MFSD2A: variants seen among roughly 807,000 people sequenced by gnomAD.
MFSD2A encodes MFSD2 lysolipid transporter A, lysophospholipid.
MFSD2A carries 27 observed loss-of-function variants against 64.7 expected under a neutral mutation model. That is an observed-to-expected ratio of 0.42 (90% CI 0.31 to 0.58). MFSD2A has a LOEUF of 0.58. MFSD2A is among the 20% of genes least tolerant of loss of function. The pLI is 0.18. For synonymous variants in MFSD2A, 258 were observed against 273.4 expected (o/e 0.94, Z 0.55); for missense variants, 474 against 679.5 (o/e 0.70, Z 3.36).
In MFSD2A at chr1:39,965,959, C is replaced by A; in HGVS notation, c.659C>A (p.Thr220Lys). ...TGTTTCCAGGACCTCAATAGCTCTA[C>A]AGTAGCTTCACAAAGTGCCAACCAT... ...TPCFQDLNSS[T>K]VASQSANHTH... Residue 220 changes from threonine (T) to lysine (K), a missense_variant, in exon 6 of 14, where the codon ACA becomes AAA. By Grantham distance (78) the Thr-to-Lys change is moderately conservative (BLOSUM62 -1). Transcript: ENST00000372811. This position sits in a 1 kb window ranked among gnomAD's most constrained non-coding sequence, Gnocchi z 5.5. 3 of 1,614,196 alleles carry A rather than the reference C, an allele frequency of 1.9e-6. No homozygotes were observed. Among genetic ancestry groups the A allele is most frequent in the Non-Finnish European group, 2.5e-6 (3 of 1,180,032 alleles).
chr1:39,968,518 A>G lies in MFSD2A; in HGVS notation c.1352+41A>G. ...ACCTGGGGCAGGACTGGGCAGGGCC[A>G]GGCCCCAGGTGCCCCATCTTCACCG... On this transcript the variant is annotated intron_variant, in intron 12 of 13. Coordinates refer to ENST00000372811, the MANE Select transcript of MFSD2A (RefSeq NM_032793.5). The surrounding 1 kb of genome is among the most constrained non-coding windows in gnomAD (Gnocchi z 4.4). 1 of 1,613,858 alleles carries G rather than the reference A, an allele frequency of 6.2e-7. No individual in the cohort carries two copies. The highest frequency in any genetic ancestry group is 8.5e-7 in the Non-Finnish European group (1 of 1,179,776).
rs1425273114 is a variant in MFSD2A, at chr1:39,955,335, C to T, written c.43C>T (p.Leu15=). ...EGAESGSAAG[L]LPTSILQSTE... ...CGCCGAGAGCGGCTCCGCGGCGGGG[C>T]TGCTACCCACCAGCATCCTCCAAAG... The change falls in exon 1 of 14, where the codon CTG becomes TTG. Residue 15 remains leucine, a synonymous_variant. Coordinates refer to ENST00000372811, the MANE Select transcript of MFSD2A (RefSeq NM_032793.5). This position sits in a 1 kb window ranked among gnomAD's most constrained non-coding sequence, Gnocchi z 5.9. The T allele has an allele frequency of 6.9e-7, 1 of 1,447,896 alleles. No individual in the cohort carries two copies. The highest frequency in any genetic ancestry group is 9.1e-7 in the Non-Finnish European group (1 of 1,098,506). The allele number at this position is 1,447,896 out of a possible 1,614,324, so 89.7% of individuals were successfully genotyped here.
intron 6 of MFSD2A, 56 bp downstream of exon 6, chr1:39,966,070 G>A: frequency 6.3e-7 from 1 of 1,592,196 alleles, no homozygotes; most frequent in Non-Finnish European, 8.6e-7. Context: ...GAGGTGGTTT[G>A]TAGTCATCCT....
chr1:39,965,737 T>G lies in MFSD2A; in HGVS notation c.557-120T>G, dbSNP rs1428527030. ...TATGCGTTCAAACCAAGGTGTCACC[T>G]ACCCCACTACCTCTACCCACCCTGC... On this transcript the variant is annotated intron_variant, in intron 5 of 13. Coordinates refer to ENST00000372811, the MANE Select transcript of MFSD2A (RefSeq NM_032793.5). This position sits in a 1 kb window ranked among gnomAD's most constrained non-coding sequence, Gnocchi z 5.5. The G allele has an allele frequency of 1.5e-6, 2 of 1,343,840 alleles. No individual in the cohort carries two copies. The highest frequency in any genetic ancestry group is 2.1e-6 in the Non-Finnish European group (2 of 963,282). The allele number at this position is 1,343,840 out of a possible 1,614,324, so 83.2% of individuals were successfully genotyped here.
At chr1:39,969,291 G>A (rs1265508934) in intron 13 of MFSD2A, among the ~76,000 whole-genome samples, 7 of 152,124 alleles carry the variant, frequency 4.6e-5, no homozygotes, top group East Asian at 1.9e-4. Context: ...CAGCCCAGGC[G>A]AGAGTGTAGA....
chr1:39,958,794 C>G lies in MFSD2A; in HGVS notation c.322C>G (p.Pro108Ala), dbSNP rs1403639907. 5 of 1,613,456 alleles carry G rather than the reference C, an allele frequency of 3.1e-6. No homozygotes were observed. In the East Asian group the frequency reaches 1.1e-4, roughly 36 times the overall value. Reference protein sequence around the residue: ...PLVGLCISKSPWTCLGRLMPW... With the variant: ...PLVGLCISKSAWTCLGRLMPW... ...GGTGGGCCTCTGCATCAGCAAATCC[C>G]CCTGGACCTGCCTGGGTCGCCTTAT... The change falls in exon 3 of 14, where the codon CCC (proline) becomes GCC (alanine). Residue 108 changes from proline to alanine, a missense_variant. By Grantham distance (27) the Pro-to-Ala change is conservative. Transcript: ENST00000372811. This position sits in a 1 kb window ranked among gnomAD's most constrained non-coding sequence, Gnocchi z 4.7.
chr1:39,966,869 C>A lies in MFSD2A; in HGVS notation c.864C>A (p.Val288=). The A allele has an allele frequency of 1.2e-6, 2 of 1,613,936 alleles. No homozygotes were observed. Among genetic ancestry groups the A allele is most frequent in the South Asian group, 2.2e-5 (2 of 91,058 alleles). The part of the protein sequence containing the change: ...PIAYFRGLRL[V]MSHGPYIKLI... ...CCTACTTCCGGGGCCTACGGCTGGT[C>A]ATGAGCCACGGCCCATACATCAAAC... Residue 288 remains valine, a synonymous_variant, in exon 8 of 14, where the codon GTC becomes GTA. Coordinates refer to ENST00000372811, the MANE Select transcript of MFSD2A (RefSeq NM_032793.5).
chr1:39,965,744 C>T lies in MFSD2A; in HGVS notation c.557-113C>T. On this transcript the variant is annotated intron_variant, in intron 5 of 13. Transcript: ENST00000372811. The surrounding 1 kb of genome is among the most constrained non-coding windows in gnomAD (Gnocchi z 5.5). Reference sequence around the variant, plus strand: ...TCAAACCAAGGTGTCACCTACCCCACTACCTCTACCCACCCTGCCTGGAGC... The same window carrying T: ...TCAAACCAAGGTGTCACCTACCCCATTACCTCTACCCACCCTGCCTGGAGC... 7.1e-7 allele frequency: 1 copy of T among 1,411,404 alleles called. No homozygotes were observed. Among genetic ancestry groups the T allele is most frequent in the African/African-American group, 1.4e-5 (1 of 70,998 alleles). 87.4% of individuals were successfully genotyped at this position (1,411,404 alleles called of 1,614,324 possible).
At position 39,958,960 on chromosome 1, in the gene MFSD2A, A is replaced by G; in HGVS notation, c.353+135A>G. The G allele has an allele frequency of 9.3e-7, 1 of 1,075,530 alleles. No homozygotes were observed. The highest frequency in any genetic ancestry group is 1.3e-6 in the Non-Finnish European group (1 of 755,438). 66.6% of individuals were successfully genotyped at this position (1,075,530 alleles called of 1,614,324 possible). A position where few individuals can be genotyped will look rare whatever the true frequency, so the allele number is the denominator to read the frequency against. On this transcript the variant is annotated intron_variant, in intron 3 of 13. Coordinates refer to ENST00000372811, the MANE Select transcript of MFSD2A (RefSeq NM_032793.5). The surrounding 1 kb of genome is among the most constrained non-coding windows in gnomAD (Gnocchi z 4.7). ...GAGTTAAAAGCCCAAGGGTGTTGAA[A>G]CCCCATCCGAGGCATCAGCTACCCT...
At position 39,958,974 on chromosome 1, in the gene MFSD2A, A is replaced by G; in HGVS notation, c.353+149A>G. The G allele has an allele frequency of 2.1e-6, 2 of 935,224 alleles. No homozygotes were observed. The highest frequency in any genetic ancestry group is 3.2e-6 in the Non-Finnish European group (2 of 628,282). 57.9% of individuals were successfully genotyped at this position (935,224 alleles called of 1,614,324 possible). A position where few individuals can be genotyped will look rare whatever the true frequency, so the allele number is the denominator to read the frequency against. ...AGGGTGTTGAAACCCCATCCGAGGC[A>G]TCAGCTACCCTGAGCACGGGCACTG... On this transcript the variant is annotated intron_variant, in intron 3 of 13. Transcript: ENST00000372811. The surrounding 1 kb of genome is among the most constrained non-coding windows in gnomAD (Gnocchi z 4.7).
chr1:39,965,974 G>A lies in MFSD2A; in HGVS notation c.674G>A (p.Ser225Asn), dbSNP rs751357823. 6.2e-7 allele frequency: 1 copy of A among 1,614,180 alleles called. No homozygotes were observed. Among genetic ancestry groups the A allele is most frequent in the Non-Finnish European group, 8.5e-7 (1 of 1,180,038 alleles). Residue 225 changes from serine to asparagine, a missense_variant, in exon 6 of 14, where the codon AGT (serine) becomes AAT (asparagine). Physicochemically the swap from Ser to Asn is conservative, Grantham distance 46. Coordinates refer to ENST00000372811, the MANE Select transcript of MFSD2A (RefSeq NM_032793.5). The surrounding 1 kb of genome is among the most constrained non-coding windows in gnomAD (Gnocchi z 5.5). ...AATAGCTCTACAGTAGCTTCACAAA[G>A]TGCCAACCATACACATGGCACCACC... ...DLNSSTVASQ[S>N]ANHTHGTTSH...
Position 39,955,454 on chromosome 1 carries a change from C to G in MFSD2A, c.93+69C>G, listed in dbSNP as rs1325634858. The G allele has an allele frequency of 2.0e-6, 3 of 1,471,238 alleles. No homozygotes were observed. The highest frequency in any genetic ancestry group is 2.8e-6 in the Non-Finnish European group (3 of 1,087,562). 91.1% of individuals were successfully genotyped at this position (1,471,238 alleles called of 1,614,324 possible). A position where few individuals can be genotyped will look rare whatever the true frequency, so the allele number is the denominator to read the frequency against. On this transcript the variant is annotated intron_variant, in intron 1 of 13. Transcript: ENST00000372811. The surrounding 1 kb of genome is among the most constrained non-coding windows in gnomAD (Gnocchi z 5.9). ...GGCGGAAATGGGGGATCAGGGGCGT[C>G]CCGGGGTCGGCCTGGTCAGGGGACC...
intron 3 of MFSD2A, among the ~76,000 whole-genome samples, chr1:39,961,314 C>CT (rs1387924189): frequency 4.1e-5 from 1 of 24,402 alleles, no homozygotes; most frequent in Non-Finnish European, 8.1e-5. Context: ...GAAGACTTTT[C>CT]TTCCCGCCCC....
rs184388160 is a variant in MFSD2A at position 39,960,130 on chromosome 1, C to T, written c.353+1305C>T. On this transcript the variant is annotated intron_variant, in intron 3 of 13. Coordinates refer to ENST00000372811, the MANE Select transcript of MFSD2A (RefSeq NM_032793.5). This position sits in a 1 kb window ranked among gnomAD's most constrained non-coding sequence, Gnocchi z 4.8. ...TACTCAGCTTCAGGGGCAAAGTAGG[C>T]GGAGGTGGTGCCACGGATCGGATCA... Among the ~76,000 whole-genome samples the T allele has an allele frequency of 7.4e-4, 112 of 152,350 alleles. No individual in the cohort carries two copies. The highest frequency in any genetic ancestry group is 6.8e-3 in the Middle Eastern group (2 of 294).
intron 1 of MFSD2A, 106 bp from the exon 2 acceptor site, chr1:39,956,981 A>G: frequency 1.2e-6 from 1 of 862,094 alleles, no homozygotes. Flanking sequence ...GTCAAAGCAG[A>G]GTTGTTTGTT....
At position 39,960,043 on chromosome 1, in the gene MFSD2A, C is replaced by A. The variant is rs985015832; in HGVS notation, c.353+1218C>A. On this transcript the variant is annotated intron_variant, in intron 3 of 13. Coordinates refer to ENST00000372811, the MANE Select transcript of MFSD2A (RefSeq NM_032793.5). This position sits in a 1 kb window ranked among gnomAD's most constrained non-coding sequence, Gnocchi z 4.8. The stretch of plus-strand genomic sequence containing the variant: ...GTAATACCCGGAATGGGGTAGCAAA[C>A]CCATAACCTTTGGCACCTTGGATGA... Among the ~76,000 whole-genome samples, 1 of 152,222 alleles carries A rather than the reference C, an allele frequency of 6.6e-6. No homozygotes were observed. The highest frequency in any genetic ancestry group is 1.5e-5 in the Non-Finnish European group (1 of 68,042).
chr1:39,957,444 C>T (rs920412808), intron 2 of MFSD2A, among the ~76,000 whole-genome samples: 1 of 152,346 alleles, frequency 6.6e-6, no homozygotes, highest in Admixed American at 6.5e-5. Flanking sequence ...TCTGGCAACT[C>T]CTCCTTGCCT....
intron 9 of MFSD2A, 133 bp from the exon 10 acceptor site, chr1:39,967,495 T>C (rs1280907656): frequency 8.5e-6 from 7 of 828,150 alleles, no homozygotes; most frequent in Non-Finnish European, 1.2e-5. Context: ...GCCTGTCATC[T>C]TCGTTGCTGC....
chr1:39,961,325 CG>C (rs1557632428), intron 3 of MFSD2A, among the ~76,000 whole-genome samples: 257 of 12,428 alleles, frequency 0.021, 2 homozygotes, highest in Non-Finnish European at 0.053. Flanking sequence ...TTCCCGCCCC[CG>C]CCCCCCCCCC....
Sources: gnomAD v4.1 joint callset for allele counts (sites outside exome capture counted in the v4.1 genomes callset) on GRCh38, gnomAD v4.1.1 for gene constraint, Gnocchi (gnomAD v3.1) non-coding constraint, MANE v1.5 for transcripts, NCBI Gene and HGNC (gene_info 2026-07-23, HGNC 2026-07-21) for gene names.